The following MYOM1 variants were observed in gnomAD, a reference collection of about 807,000 sequenced individuals.
MYOM1 encodes the protein myomesin-1.
MYOM1 carries 164 observed loss-of-function variants against 205.3 expected under a neutral mutation model. The observed-to-expected ratio is 0.80, with a 90% CI of 0.70 to 0.91. The LOEUF (loss-of-function observed/expected upper bound fraction) is 0.91, where lower values mean the gene tolerates loss of function less well. Ranked by LOEUF, MYOM1 falls within the 40% of genes least tolerant of loss-of-function variation. MYOM1 has a pLI of 0.00. For missense variants in MYOM1, 2,011 were observed against 2,127.3 expected, an observed-to-expected ratio of 0.95 and a Z score of 1.08; for synonymous variants, 772 against 789.4, an observed-to-expected ratio of 0.98 and a Z score of 0.37.
chr18:3,095,177 A>G (rs759023218), intron 25 of MYOM1, among the ~76,000 whole-genome samples: 24 of 152,058 alleles, frequency 1.6e-4, no homozygotes, highest in Non-Finnish European at 2.9e-4. Context: ...TTCAAGGTGG[A>G]GAGAAGGTGG....
chr18:3,221,992 G>A (rs2081334255), upstream of MYOM1, among the ~76,000 whole-genome samples: 5 of 152,144 alleles, frequency 3.3e-5, no homozygotes, highest in Admixed American at 2.0e-4. Context: ...GAGAACATTG[G>A]TCAATTGCCC....
At chr18:3,158,656 C>G (rs1022946750) in intron 10 of MYOM1, among the ~76,000 whole-genome samples, 1 of 152,072 alleles carries the variant, frequency 6.6e-6, no homozygotes, top group Non-Finnish European at 1.5e-5. Flanking sequence ...CTCTGTGGCC[C>G]AGGCTGGAGT....
the MYOM1 span, among the ~76,000 whole-genome samples, chr18:3,225,018 C>T: frequency 4.1e-4 from 62 of 151,178 alleles, 1 homozygote; most frequent in Middle Eastern, 3.5e-3. Flanking sequence ...GACGGAGTCT[C>T]GCTCTTTCAC....
chr18:3,077,014 GT>G (rs1308689052), intron 34 of MYOM1, among the ~76,000 whole-genome samples: 164 of 135,202 alleles, frequency 1.2e-3, no homozygotes, highest in Non-Finnish European at 1.4e-3. Flanking sequence ...TCCCAGCCTT[GT>G]TTTTTTTTTT....
chr18:3,212,291 G>A (rs2081200128), intron 2 of MYOM1, among the ~76,000 whole-genome samples: 1 of 152,138 alleles, frequency 6.6e-6, no homozygotes. Flanking sequence ...AAAGTAATGA[G>A]TTTGAACACA....
intron 29 of MYOM1, among the ~76,000 whole-genome samples, chr18:3,088,168 A>G (rs1024964733): frequency 4.6e-5 from 7 of 152,200 alleles, no homozygotes; most frequent in Admixed American, 2.0e-4. Flanking sequence ...AGGCCATCAC[A>G]GGACACCAGA....
At chr18:3,172,559 G>A (rs890115240) in intron 8 of MYOM1, among the ~76,000 whole-genome samples, 34 of 152,022 alleles carry the variant, frequency 2.2e-4, no homozygotes, top group African/African-American at 8.0e-4. Flanking sequence ...GCCCAGGCTG[G>A]AATGCAGTGG....
chr18:3,092,320 G>A (rs1342814678), intron 26 of MYOM1, among the ~76,000 whole-genome samples: 2 of 152,048 alleles, frequency 1.3e-5, no homozygotes, highest in East Asian at 3.9e-4. Context: ...AGGATCTTGA[G>A]GCTAGGACTA....
At chr18:3,241,850 G>A in the MYOM1 span, among the ~76,000 whole-genome samples, 1,213 of 152,320 alleles carry the variant, frequency 8.0e-3, 14 homozygotes, top group African/African-American at 0.028. Context: ...TTACATCAGC[G>A]TGACCTGGAT....
the MYOM1 span, among the ~76,000 whole-genome samples, chr18:3,239,935 GTAGTAAATTTCTCCCTAAGAAATT>G: frequency 6.6e-6 from 1 of 152,038 alleles, no homozygotes; most frequent in African/African-American, 2.4e-5. Context: ...ATTAGTCAGA[GTAGTAAATTTCTCCCTAAGAAATT>G]TACATGGATT....
At chr18:3,136,005 G>A (rs1182794612) in intron 14 of MYOM1, among the ~76,000 whole-genome samples, 1 of 152,182 alleles carries the variant, frequency 6.6e-6, no homozygotes. Context: ...GGAGGGACCT[G>A]GTGGGAGATA....
chr18:3,092,380 A>G (rs1230143845), intron 26 of MYOM1, among the ~76,000 whole-genome samples: 2 of 151,972 alleles, frequency 1.3e-5, no homozygotes, highest in African/African-American at 4.8e-5. Flanking sequence ...TTTTGTAGAG[A>G]TGAGGTTTCA....
intron 10 of MYOM1, among the ~76,000 whole-genome samples, chr18:3,159,173 A>G (rs188928758): frequency 9.8e-5 from 15 of 152,364 alleles, no homozygotes; most frequent in Admixed American, 9.8e-4. Flanking sequence ...TGGCAGACTT[A>G]CGGATGGCTT....
At chr18:3,206,697 T>A (rs1441842035) in intron 2 of MYOM1, among the ~76,000 whole-genome samples, 1 of 152,178 alleles carries the variant, frequency 6.6e-6, no homozygotes, top group African/African-American at 2.4e-5. Flanking sequence ...GATTCTTGAT[T>A]CTCCCATTTC....
intron 30 of MYOM1, among the ~76,000 whole-genome samples, chr18:3,085,759 G>A (rs545475405): frequency 3.9e-5 from 6 of 152,274 alleles, no homozygotes; most frequent in African/African-American, 1.2e-4. Flanking sequence ...GGACCACGAG[G>A]CTTAAGCACA....
At chr18:3,165,999 C>A (rs1251359957) in intron 9 of MYOM1, among the ~76,000 whole-genome samples, 2 of 152,234 alleles carry the variant, frequency 1.3e-5, no homozygotes, top group African/African-American at 4.8e-5. Context: ...CCACTGCCCA[C>A]TGTGCCCAGG....
intron 5 of MYOM1, among the ~76,000 whole-genome samples, chr18:3,180,444 C>A (rs569923923): frequency 1.9e-4 from 29 of 152,264 alleles, no homozygotes; most frequent in Non-Finnish European, 3.7e-4. Context: ...AGAATTCCAC[C>A]CAGTGAGGCA....
At chr18:3,181,534 T>G (rs1484624796) in intron 5 of MYOM1, among the ~76,000 whole-genome samples, 1 of 152,192 alleles carries the variant, frequency 6.6e-6, no homozygotes, top group Non-Finnish European at 1.5e-5. Flanking sequence ...TGATTAATAA[T>G]TCTAATCTTG....
chr18:3,178,745 C>T (rs2080686641), intron 5 of MYOM1, among the ~76,000 whole-genome samples: 1 of 152,224 alleles, frequency 6.6e-6, no homozygotes, highest in South Asian at 2.1e-4. Flanking sequence ...ATCGTTCCTG[C>T]CTCTCTGCAT....
Sources: allele counts gnomAD v4.1 joint callset (sites outside exome capture counted in the v4.1 genomes callset), GRCh38; gene constraint gnomAD v4.1.1; transcripts MANE v1.5; gene names NCBI Gene and HGNC (gene_info 2026-07-23, HGNC 2026-07-21).